TBPL2: variants seen among roughly 807,000 people sequenced by gnomAD.
TBPL2 encodes the protein TATA-box binding protein like 2.
Under a neutral mutation model 38.2 loss-of-function variants are expected in TBPL2, and 40 were observed. The ratio of observed to expected loss-of-function variants is 1.05; its 90% confidence interval spans 0.81 to 1.36. The LOEUF is 1.36. Among genes scored for constraint, TBPL2 ranks in the 40% most tolerant of loss-of-function variants. The probability of loss-of-function intolerance (pLI) is 0.00; values close to 1 mark genes in which losing one functional copy is unlikely to be tolerated. For missense variants in TBPL2, 461 were observed against 456.7 expected, an observed-to-expected ratio of 1.01 and a Z score of -0.09; for synonymous variants, 169 against 171.7, an observed-to-expected ratio of 0.98 and a Z score of 0.12.
chr14:55,414,749 T>G (rs185725338), intron 6 of TBPL2, among the ~76,000 whole-genome samples: 208 of 152,322 alleles, frequency 1.4e-3, no homozygotes, highest in South Asian at 3.9e-3. Context: ...GAATATGGCC[T>G]CAGAGTAATT....
chr14:55,423,116 A>G (rs1230624539), intron 6 of TBPL2, among the ~76,000 whole-genome samples: 1 of 152,216 alleles, frequency 6.6e-6, no homozygotes, highest in Non-Finnish European at 1.5e-5. Context: ...ATTATTTACA[A>G]GAGACAAAAT....
At chr14:55,417,438 A>AGAT (rs1378516298) in intron 6 of TBPL2, among the ~76,000 whole-genome samples, 6 of 140,724 alleles carry the variant, frequency 4.3e-5, no homozygotes, top group African/African-American at 1.6e-4. Flanking sequence ...GGCTCCAATG[A>AGAT]GATGACCCTT....
chr14:55,429,008 A>G (rs773217996), intron 4 of TBPL2, 34 bp from the exon 5 acceptor site: 57 of 1,610,332 alleles, frequency 3.5e-5, no homozygotes, highest in Non-Finnish European at 4.8e-5. Flanking sequence ...AAGATGTCTT[A>G]ATCGCTACAT....
intron 2 of TBPL2, among the ~76,000 whole-genome samples, 183 bp downstream of exon 2, chr14:55,436,378 A>G (rs1291227485): frequency 6.6e-6 from 1 of 152,226 alleles, no homozygotes; most frequent in Non-Finnish European, 1.5e-5. Flanking sequence ...GTCAAGAATT[A>G]GTGCTTTGCC....
chr14:55,438,600 C>A (rs1473935135), intron 1 of TBPL2, among the ~76,000 whole-genome samples: 3 of 152,126 alleles, frequency 2.0e-5, no homozygotes, highest in African/African-American at 7.2e-5. Flanking sequence ...TATCAGGGAA[C>A]AAAGCTACAC....
chr14:55,430,139 T>G (rs1228590274), intron 4 of TBPL2, among the ~76,000 whole-genome samples: 1 of 152,144 alleles, frequency 6.6e-6, no homozygotes, highest in African/African-American at 2.4e-5. Flanking sequence ...TTTTCAACTG[T>G]TAGTGACAAA....
At chr14:55,426,577 A>G (rs1414809339) in intron 5 of TBPL2, among the ~76,000 whole-genome samples, 2 of 152,152 alleles carry the variant, frequency 1.3e-5, no homozygotes, top group African/African-American at 4.8e-5. Context: ...TAATGTTCCC[A>G]GTGTCAAGAA....
chr14:55,419,746 C>T (rs1885715622), intron 6 of TBPL2, among the ~76,000 whole-genome samples: 1 of 152,190 alleles, frequency 6.6e-6, no homozygotes, highest in South Asian at 2.1e-4. Context: ...TGGCATGATA[C>T]AATGGTTTCA....
intron 6 of TBPL2, among the ~76,000 whole-genome samples, chr14:55,420,934 G>T (rs1885732872): frequency 6.6e-6 from 1 of 151,834 alleles, no homozygotes; most frequent in Non-Finnish European, 1.5e-5. Context: ...AGTGGCAGGT[G>T]CCTGTAGTCC....
chr14:55,437,120 T>C, intron 1 of TBPL2, 102 bp from the exon 2 acceptor site: 3 of 1,014,532 alleles, frequency 3.0e-6, no homozygotes, highest in South Asian at 1.4e-5. Flanking sequence ...ATGTATTCAG[T>C]GTAAGAGGCA....
Position 55,414,521 on chromosome 14 carries a change from A to C in TBPL2, c.1052-66T>G, listed in dbSNP as rs1885641001. The C allele has an allele frequency of 2.6e-6, 3 of 1,169,406 alleles. No homozygotes were observed. The Admixed American group carries it at 7.1e-5, about 28-fold the overall frequency. 72.4% of individuals were successfully genotyped at this position (1,169,406 alleles called of 1,614,324 possible). On this transcript the variant is annotated intron_variant, in intron 6 of 6. Coordinates refer to ENST00000247219, the Ensembl canonical transcript of TBPL2. ...ATACCAACATTTACTTAAACACTAA[A>C]ATTTCATTGTATTGTCTCCAATTAC...
chr14:55,414,510 T>G, intron 6 of TBPL2, 55 bp from the exon 7 acceptor site: 1 of 1,288,094 alleles, frequency 7.8e-7, no homozygotes, highest in Non-Finnish European at 1.1e-6. Context: ...CAACATTTAC[T>G]TAAACACTAA....
intron 5 of TBPL2, among the ~76,000 whole-genome samples, chr14:55,427,832 T>TAC (rs35406194): frequency 0.087 from 12,621 of 145,084 alleles, 575 homozygotes; most frequent in Non-Finnish European, 0.1. Context: ...TGCAGCTATA[T>TAC]ACACACACAC....
At chr14:55,422,713 C>A (rs565775729) in intron 6 of TBPL2, among the ~76,000 whole-genome samples, 1 of 152,172 alleles carries the variant, frequency 6.6e-6, no homozygotes, top group Non-Finnish European at 1.5e-5. Flanking sequence ...ATTAGCTGGG[C>A]ATGGTGGCAT....
At chr14:55,436,290 A>T (rs80272214) in intron 2 of TBPL2, among the ~76,000 whole-genome samples, 10,297 of 152,278 alleles carry the variant, frequency 0.068, 387 homozygotes, top group Non-Finnish European at 0.088. Flanking sequence ...TTCAGCAACT[A>T]CAGTGCTGTA....
At chr14:55,437,107 G>T in intron 1 of TBPL2, 89 bp from the exon 2 acceptor site, 2 of 1,156,950 alleles carry the variant, frequency 1.7e-6, no homozygotes, top group Non-Finnish European at 1.3e-6. Context: ...AGGCAGGCAG[G>T]CAATGTATTC....
chr14:55,440,460 C>T, exon 1 of TBPL2: 2 of 1,612,968 alleles, frequency 1.2e-6, no homozygotes, highest in Non-Finnish European at 8.5e-7. Flanking sequence ...GGACCGTAAT[C>T]CCACTGTTGG....
exon 7 of TBPL2, chr14:55,414,379 T>G: frequency 6.3e-7 from 1 of 1,599,368 alleles, no homozygotes; most frequent in Non-Finnish European, 8.5e-7. Flanking sequence ...AATGATATGC[T>G]CAGGCTTTTT....
At chr14:55,416,474 A>G (rs1885671568) in intron 6 of TBPL2, among the ~76,000 whole-genome samples, 1 of 152,070 alleles carries the variant, frequency 6.6e-6, no homozygotes, top group African/African-American at 2.4e-5. Flanking sequence ...AAGAGAAGAA[A>G]AGTTATTTAT....
Sources: gnomAD v4.1 joint callset for allele counts (sites outside exome capture counted in the v4.1 genomes callset) on GRCh38, gnomAD v4.1.1 for gene constraint, MANE v1.5 for transcripts, NCBI Gene and HGNC (gene_info 2026-07-23, HGNC 2026-07-21) for gene names.